The following PIK3C2G variants were observed in gnomAD, a reference collection of about 807,000 sequenced individuals.
PIK3C2G encodes the protein phosphatidylinositol 3-kinase C2 domain-containing subunit gamma.
PIK3C2G carries 168 observed loss-of-function variants against 181.1 expected under a neutral mutation model. That is an observed-to-expected ratio of 0.93 (90% CI 0.82 to 1.05). The LOEUF (loss-of-function observed/expected upper bound fraction) is 1.05. Ranked by LOEUF, PIK3C2G falls within the 50% of genes least tolerant of loss-of-function variation. The pLI is 0.00. For synonymous variants in PIK3C2G, 573 were observed against 592.2 expected, an observed-to-expected ratio of 0.97 and a Z score of 0.47; for missense variants, 1,869 against 1,732.8, an observed-to-expected ratio of 1.08 and a Z score of -1.40.
chr12:18,693,965 G>T, the PIK3C2G span: 3 of 1,514,172 alleles, frequency 2.0e-6, no homozygotes, highest in Non-Finnish European at 2.7e-6. Flanking sequence ...TGACATCAAG[G>T]CAGTCTGTAC....
rs371379413 is a variant in PIK3C2G at position 18,445,028 on chromosome 12, A to T, written c.2504+20989A>T. 2.6e-5 allele frequency among the ~76,000 whole-genome samples: 4 copies of T among 152,238 alleles called. No individual in the cohort carries two copies. The East Asian group carries it at 7.7e-4, about 29-fold the overall frequency. On this transcript the variant is annotated intron_variant, in intron 18 of 32. Transcript: ENST00000538779. ...TTTATAGTTTTTCAAAAAATTTTAAATCAGTGGAGGAAAGATCGATTATTT... is the reference window on the plus strand; with the variant it reads ...TTTATAGTTTTTCAAAAAATTTTAATTCAGTGGAGGAAAGATCGATTATTT...
chr12:18,629,241 A>G (rs1949238239), intron 31 of PIK3C2G, among the ~76,000 whole-genome samples: 1 of 152,182 alleles, frequency 6.6e-6, no homozygotes, highest in Non-Finnish European at 1.5e-5. Flanking sequence ...CACAACAGAG[A>G]GGGAGAACTT....
At position 18,423,919 on chromosome 12, in the gene PIK3C2G, TA is replaced by T. The variant is rs1328972422; in HGVS notation, c.2410-23del. 2.7e-6 allele frequency: 4 copies of T among 1,464,628 alleles called. No individual in the cohort carries two copies. In the Admixed American group the frequency reaches 5.2e-5, roughly 19 times the overall value. The allele number at this position is 1,464,628 out of a possible 1,614,324, so 90.7% of individuals were successfully genotyped here. A position where few individuals can be genotyped will look rare whatever the true frequency, so the allele number is the denominator to read the frequency against. On this transcript the variant is annotated intron_variant, in intron 17 of 32. Coordinates refer to ENST00000538779, the MANE Select transcript of PIK3C2G (RefSeq NM_001288772.2). ...CTGCTATAATTTTGTTACTGAGAAG[TA>T]AAGTAATTGTGTCTCTTACTTCAGG...
At chr12:18,342,525 T>C (rs917801460) in intron 9 of PIK3C2G, among the ~76,000 whole-genome samples, 3 of 151,962 alleles carry the variant, frequency 2.0e-5, no homozygotes, top group African/African-American at 7.2e-5. Flanking sequence ...AATTTTGAGT[T>C]TATAAATTTA....
At chr12:18,296,728 T>G (rs1008025737) in intron 5 of PIK3C2G, among the ~76,000 whole-genome samples, 2 of 152,076 alleles carry the variant, frequency 1.3e-5, no homozygotes, top group African/African-American at 4.8e-5. Context: ...TTATTCTCAC[T>G]TTCATTTTCT....
chr12:18,469,995 C>A (rs1938303035), intron 18 of PIK3C2G, among the ~76,000 whole-genome samples: 1 of 150,128 alleles, frequency 6.7e-6, no homozygotes, highest in Non-Finnish European at 1.5e-5. Flanking sequence ...AGAGTCATAT[C>A]TAAAGTTTAC....
At position 18,567,097 on chromosome 12, in the gene PIK3C2G, C is replaced by A. The variant is rs757056599; in HGVS notation, c.4011+40C>A. 4 of 929,818 alleles carry A rather than the reference C, an allele frequency of 4.3e-6. No homozygotes were observed. In the East Asian group the frequency reaches 9.9e-5, roughly 23 times the overall value. 57.6% of individuals were successfully genotyped at this position (929,818 alleles called of 1,614,324 possible). On this transcript the variant is annotated intron_variant, in intron 29 of 32. Coordinates refer to ENST00000538779, the MANE Select transcript of PIK3C2G (RefSeq NM_001288772.2). ...ATTTTTCTATTTTTACATAAAACATCAACTATTTTATATTTTATTCGTGAG... is the reference window on the plus strand; with the variant it reads ...ATTTTTCTATTTTTACATAAAACATAAACTATTTTATATTTTATTCGTGAG...
At chr12:18,701,603 T>A in the PIK3C2G span, 1 of 1,592,634 alleles carries the variant, frequency 6.3e-7, no homozygotes, top group Non-Finnish European at 8.5e-7. Context: ...ATTCTTTGAA[T>A]TTATCCTCCT....
intron 5 of PIK3C2G, among the ~76,000 whole-genome samples, chr12:18,299,314 G>A (rs1180542377): frequency 3.3e-5 from 5 of 151,862 alleles, no homozygotes; most frequent in South Asian, 4.1e-4. Flanking sequence ...GTTGTAAATG[G>A]GATTTCCTTC....
intron 29 of PIK3C2G, among the ~76,000 whole-genome samples, chr12:18,582,541 C>T (rs558182725): frequency 8.5e-5 from 13 of 152,200 alleles, no homozygotes; most frequent in South Asian, 8.3e-4. Context: ...TCTGCCAAAG[C>T]GAAAGGTTAG....
chr12:18,690,797 C>T, the PIK3C2G span, among the ~76,000 whole-genome samples: 5 of 152,018 alleles, frequency 3.3e-5, no homozygotes, highest in South Asian at 2.1e-4. Context: ...CTACGCAATT[C>T]GTGGAGGTGA....
At chr12:18,313,490 G>A (rs752073380) in intron 5 of PIK3C2G, among the ~76,000 whole-genome samples, 7 of 152,000 alleles carry the variant, frequency 4.6e-5, no homozygotes, top group South Asian at 2.1e-4. Flanking sequence ...TCTAAAGCTC[G>A]TGACATTTTC....
intron 18 of PIK3C2G, among the ~76,000 whole-genome samples, chr12:18,451,259 T>A (rs62078656): frequency 7.2e-5 from 11 of 152,296 alleles, no homozygotes; most frequent in African/African-American, 2.4e-4. Flanking sequence ...CCCTGAGCGG[T>A]GGTTTGTAGT....
intron 21 of PIK3C2G, 57 bp downstream of exon 21, chr12:18,496,211 T>C: frequency 2.0e-6 from 2 of 1,017,020 alleles, no homozygotes; most frequent in Non-Finnish European, 2.9e-6. Flanking sequence ...ATCGATTTAT[T>C]ACTCACAAAA....
intron 18 of PIK3C2G, among the ~76,000 whole-genome samples, chr12:18,465,686 A>T (rs1409795141): frequency 6.6e-6 from 1 of 151,594 alleles, no homozygotes; most frequent in Non-Finnish European, 1.5e-5. Flanking sequence ...TTCTTTTTGG[A>T]TAGTCTTTTC....
At chr12:18,589,541 A>G (rs1946964165) in intron 29 of PIK3C2G, among the ~76,000 whole-genome samples, 1 of 152,004 alleles carries the variant, frequency 6.6e-6, no homozygotes, top group Admixed American at 6.6e-5. Flanking sequence ...TATAGTCAGT[A>G]GACATGCTAT....
At chr12:18,664,942 G>C in the PIK3C2G span, among the ~76,000 whole-genome samples, 2 of 145,320 alleles carry the variant, frequency 1.4e-5, no homozygotes, top group Admixed American at 1.4e-4. Context: ...TCACTCATAG[G>C]TGGGAATTGA....
intron 1 of PIK3C2G, among the ~76,000 whole-genome samples, chr12:18,277,854 G>A (rs1278173835): frequency 1.3e-5 from 2 of 152,100 alleles, no homozygotes; most frequent in African/African-American, 4.8e-5. Flanking sequence ...TTTGAAGCCA[G>A]ATAAGTAATT....
upstream of PIK3C2G, among the ~76,000 whole-genome samples, chr12:18,258,682 G>A (rs1370970982): frequency 6.6e-6 from 1 of 151,100 alleles, no homozygotes. Flanking sequence ...TTATATAGCA[G>A]TAGATGAATC....
Sources: allele counts gnomAD v4.1 joint callset (sites outside exome capture counted in the v4.1 genomes callset), GRCh38; gene constraint gnomAD v4.1.1; transcripts MANE v1.5; gene names NCBI Gene and HGNC (gene_info 2026-07-23, HGNC 2026-07-21).